The following PLEKHA3 variants were observed in gnomAD, a reference collection of about 807,000 sequenced individuals.
The protein encoded by PLEKHA3 is pleckstrin homology domain-containing family A member 3.
A neutral mutation model predicts 39.2 loss-of-function variants in PLEKHA3; 19 were observed. The ratio of observed to expected loss-of-function variants is 0.48; its 90% CI spans 0.34 to 0.71. PLEKHA3 has a LOEUF of 0.71. PLEKHA3 is among the 30% of genes least tolerant of loss of function. The probability of loss-of-function intolerance (pLI) is 0.01; values close to 1 mark genes in which losing one functional copy is unlikely to be tolerated. For synonymous variants in PLEKHA3, 97 were observed against 118.6 expected, an observed-to-expected ratio of 0.82 and a Z score of 1.18; for missense variants, 253 against 359.5, an observed-to-expected ratio of 0.70 and a Z score of 2.40.
Position 178,515,475 on chromosome 2 carries a change from T to C in PLEKHA3, c.*11588T>C, listed in dbSNP as rs1048444569. 2.0e-5 allele frequency: 3 copies of C among 152,180 alleles called. No individual in the cohort carries two copies. The highest frequency in any genetic ancestry group is 7.2e-5 in the African/African-American group (3 of 41,460). 9.4% of individuals were successfully genotyped at this position (152,180 alleles called of 1,614,324 possible). On this transcript the variant is annotated 3_prime_UTR_variant, in exon 8 of 8. Transcript: ENST00000234453. The stretch of plus-strand genomic sequence containing the variant: ...TTTTTCTCCAGTTTTGATAGATGAT[T>C]ATAGAGTTCCCCAAAATGGCCTTCT...
At position 178,480,612 on chromosome 2, in the gene PLEKHA3, C is replaced by G. The variant is rs903550379; in HGVS notation, c.-258C>G. On this transcript the variant is annotated 5_prime_UTR_variant, in exon 1 of 8. Transcript: ENST00000234453. ...AGGCCGGTCGCGGGCGCATTTTTGC[C>G]GTTGTCGCGGCCGCCGCCGCCGAGG... 4.4e-5 allele frequency: 13 copies of G among 298,398 alleles called. No individual in the cohort carries two copies. Among genetic ancestry groups the G allele is most frequent in the Non-Finnish European group, 8.0e-5 (13 of 162,460 alleles). The allele number at this position is 298,398 out of a possible 1,614,324, so 18.5% of individuals were successfully genotyped here.
chr2:178,484,141 T>A (rs942915021), intron 1 of PLEKHA3, among the ~76,000 whole-genome samples: 7 of 152,200 alleles, frequency 4.6e-5, no homozygotes, highest in Non-Finnish European at 5.9e-5. Context: ...ATTCATTCAT[T>A]CATTTATTTA....
chr2:178,491,510 G>T (rs1280202531), intron 3 of PLEKHA3, among the ~76,000 whole-genome samples: 1 of 152,220 alleles, frequency 6.6e-6, no homozygotes, highest in Admixed American at 6.5e-5. Flanking sequence ...GAATTTGTGG[G>T]AAGGAGACTC....
In PLEKHA3 at chr2:178,510,646, T is replaced by C. The variant is rs1371948654; in HGVS notation, c.*6759T>C. On this transcript the variant is annotated 3_prime_UTR_variant, in exon 8 of 8. Transcript: ENST00000234453. ...CCAAAGGACGTAGTGCTCTACATAG[T>C]GTTGGAAGCGAGAGACTGAGCCCTA... 2 of 153,794 alleles carry C rather than the reference T, an allele frequency of 1.3e-5. No individual in the cohort carries two copies. Among genetic ancestry groups the C allele is most frequent in the Admixed American group, 1.3e-4 (2 of 15,286 alleles). The allele number at this position is 153,794 out of a possible 1,614,324, so 9.5% of individuals were successfully genotyped here.
intron 2 of PLEKHA3, chr2:178,489,023 A>C (rs1685302591): frequency 2.3e-6 from 1 of 442,710 alleles, no homozygotes; most frequent in Non-Finnish European, 4.6e-6. Flanking sequence ...TGGTATGTTT[A>C]AAAATGAGTC....
rs1291755242 is a variant in PLEKHA3, at chr2:178,509,670, G to C, written c.*5783G>C. On this transcript the variant is annotated 3_prime_UTR_variant, in exon 8 of 8. Transcript: ENST00000234453. Reference sequence around the variant, plus strand: ...TTTTTGTATTTTTTTGTAGCAGCAGGGTTTTGCCATGCTGTTCAGACTGAT... The same window carrying C: ...TTTTTGTATTTTTTTGTAGCAGCAGCGTTTTGCCATGCTGTTCAGACTGAT... 1 of 151,850 alleles carries C rather than the reference G, an allele frequency of 6.6e-6. No homozygotes were observed. Among genetic ancestry groups the C allele is most frequent in the South Asian group, 2.1e-4 (1 of 4,802 alleles). The allele number at this position is 151,850 out of a possible 1,614,324, so 9.4% of individuals were successfully genotyped here. A position where few individuals can be genotyped will look rare whatever the true frequency, so the allele number is the denominator to read the frequency against.
At position 178,508,818 on chromosome 2, in the gene PLEKHA3, G is replaced by A. The variant is rs1685641297; in HGVS notation, c.*4931G>A. On this transcript the variant is annotated 3_prime_UTR_variant, in exon 8 of 8. Coordinates refer to ENST00000234453, the MANE Select transcript of PLEKHA3 (RefSeq NM_019091.4). ...TCCTCCTCTGGCTGCTGACCCTCAGGTTCAGTTTTTCCTGTCAGTGGAGGT... is the reference window on the plus strand; with the variant it reads ...TCCTCCTCTGGCTGCTGACCCTCAGATTCAGTTTTTCCTGTCAGTGGAGGT... 1 of 153,822 alleles carries A rather than the reference G, an allele frequency of 6.5e-6. No homozygotes were observed. Among genetic ancestry groups the A allele is most frequent in the Non-Finnish European group, 1.5e-5 (1 of 68,128 alleles). The allele number at this position is 153,822 out of a possible 1,614,324, so 9.5% of individuals were successfully genotyped here.
intron 2 of PLEKHA3, among the ~76,000 whole-genome samples, chr2:178,486,337 TG>T (rs1685250088): frequency 6.6e-6 from 1 of 152,052 alleles, no homozygotes; most frequent in Non-Finnish European, 1.5e-5. Flanking sequence ...TTGGAGTGTG[TG>T]GGGTGGAGGC....
chr2:178,481,842 TGGG>T lies in PLEKHA3; in HGVS notation c.40+943_40+945del, dbSNP rs5836653. On this transcript the variant is annotated intron_variant, in intron 1 of 7. Coordinates refer to ENST00000234453, the MANE Select transcript of PLEKHA3 (RefSeq NM_019091.4). ...AAATTTGAACAGTAAACAGATTTTT[TGGG>T]GGGGGGGGGTCTAGCATAATAGGCA... The T allele has an allele frequency of 1.9e-3, 220 of 118,890 alleles. 6 individuals are homozygous for T. In the South Asian group the frequency reaches 0.031, roughly 17 times the overall value. The allele number at this position is 118,890 out of a possible 1,614,324, so 7.4% of individuals were successfully genotyped here.
intron 2 of PLEKHA3, among the ~76,000 whole-genome samples, chr2:178,487,814 A>G (rs1166751946): frequency 1.3e-5 from 2 of 152,192 alleles, no homozygotes; most frequent in South Asian, 2.1e-4. Flanking sequence ...GCAATCGATC[A>G]GAGTATTAGG....
chr2:178,516,069 T>A lies in PLEKHA3; in HGVS notation c.*12182T>A, dbSNP rs189118633. On this transcript the variant is annotated 3_prime_UTR_variant, in exon 8 of 8. Transcript: ENST00000234453. ...ATATATGTGTATATACACATACATA[T>A]ATATATATACATACATATATATACA... 607 of 151,298 alleles carry A rather than the reference T, an allele frequency of 4.0e-3. 10 individuals carry two copies. Among genetic ancestry groups the A allele is most frequent in the East Asian group, 0.03 (155 of 5,154 alleles). 9.4% of individuals were successfully genotyped at this position (151,298 alleles called of 1,614,324 possible). A position where few individuals can be genotyped will look rare whatever the true frequency, so the allele number is the denominator to read the frequency against.
chr2:178,483,356 T>C (rs1173270904), intron 1 of PLEKHA3, among the ~76,000 whole-genome samples: 1 of 151,978 alleles, frequency 6.6e-6, no homozygotes, highest in African/African-American at 2.4e-5. Context: ...AAAAAAAGAA[T>C]TTTAAAAAGG....
rs1458469208 is a variant in PLEKHA3 at position 178,505,782 on chromosome 2, T to C, written c.*1895T>C. The C allele has an allele frequency of 6.6e-6, 1 of 152,056 alleles. No individual in the cohort carries two copies. The highest frequency in any genetic ancestry group is 1.5e-5 in the Non-Finnish European group (1 of 67,958). 9.4% of individuals were successfully genotyped at this position (152,056 alleles called of 1,614,324 possible). A position where few individuals can be genotyped will look rare whatever the true frequency, so the allele number is the denominator to read the frequency against. The stretch of plus-strand genomic sequence containing the variant: ...GTTCGTGAAGAGTTTTCTGTGAATA[T>C]TTTAAAAATACAATGCAATTATTTC... On this transcript the variant is annotated 3_prime_UTR_variant, in exon 8 of 8. Coordinates refer to ENST00000234453, the MANE Select transcript of PLEKHA3 (RefSeq NM_019091.4).
At position 178,501,190 on chromosome 2, in the gene PLEKHA3, A is replaced by AT; in HGVS notation, c.775+16dup. 1 of 1,581,894 alleles carries AT rather than the reference A, an allele frequency of 6.3e-7. No individual in the cohort carries two copies. The highest frequency in any genetic ancestry group is 1.1e-5 in the South Asian group (1 of 89,056). The stretch of plus-strand genomic sequence containing the variant: ...AAGACCCAGATAGTAAGTGACATAG[A>AT]TTCTGTCTCTTTCTTTGGCATATTC... On this transcript the variant is annotated intron_variant, in intron 7 of 7. Coordinates refer to ENST00000234453, the MANE Select transcript of PLEKHA3 (RefSeq NM_019091.4).
intron 5 of PLEKHA3, among the ~76,000 whole-genome samples, chr2:178,496,737 C>G (rs1306376591): frequency 6.6e-6 from 1 of 151,942 alleles, no homozygotes; most frequent in Non-Finnish European, 1.5e-5. Flanking sequence ...TTTTTAGAGA[C>G]AGGGTCTCAC....
rs1026932305 is a variant in PLEKHA3 at position 178,480,962 on chromosome 2, A to C, written c.40+53A>C. The C allele has an allele frequency of 1.7e-5, 22 of 1,297,994 alleles. No individual in the cohort carries two copies. The African/African-American group carries it at 3.3e-4, about 20-fold the overall frequency. The allele number at this position is 1,297,994 out of a possible 1,614,324, so 80.4% of individuals were successfully genotyped here. ...AGGGGAGAGGCGGGGGGCTGCTGAG[A>C]AGGCGGGTCGGGGCTCCTCTTCCTC... On this transcript the variant is annotated intron_variant, in intron 1 of 7. Transcript: ENST00000234453.
rs1174706009 is a variant in PLEKHA3, at chr2:178,513,392, G to C, written c.*9505G>C. 5 of 152,140 alleles carry C rather than the reference G, an allele frequency of 3.3e-5. No individual in the cohort carries two copies. 9.4% of individuals were successfully genotyped at this position (152,140 alleles called of 1,614,324 possible). On this transcript the variant is annotated 3_prime_UTR_variant, in exon 8 of 8. Transcript: ENST00000234453. ...CTTGAGTATTTTTTTGTGTGTGACA[G>C]TTGAACAATTCTGACCCCTATTATT...
intron 2 of PLEKHA3, among the ~76,000 whole-genome samples, chr2:178,488,578 T>G (rs1243508204): frequency 6.6e-6 from 1 of 152,208 alleles, no homozygotes; most frequent in African/African-American, 2.4e-5. Context: ...TTGTTGTTGT[T>G]GTTGTTGTTG....
rs1575148231 is a variant in PLEKHA3, at chr2:178,505,440, C to G, written c.*1553C>G. On this transcript the variant is annotated 3_prime_UTR_variant, in exon 8 of 8. Coordinates refer to ENST00000234453, the MANE Select transcript of PLEKHA3 (RefSeq NM_019091.4). ...ATAACACACAGGTCATCAGACTACT[C>G]TATATTCAGTGGAGTCTTTGCCTGC... The G allele has an allele frequency of 6.6e-6, 1 of 151,458 alleles. No individual in the cohort carries two copies. The highest frequency in any genetic ancestry group is 1.5e-5 in the Non-Finnish European group (1 of 67,798). 9.4% of individuals were successfully genotyped at this position (151,458 alleles called of 1,614,324 possible). A position where few individuals can be genotyped will look rare whatever the true frequency, so the allele number is the denominator to read the frequency against.
Sources: gnomAD v4.1 joint callset for allele counts (sites outside exome capture counted in the v4.1 genomes callset) on GRCh38, gnomAD v4.1.1 for gene constraint, MANE v1.5 for transcripts, NCBI Gene and HGNC (gene_info 2026-07-23, HGNC 2026-07-21) for gene names.